The following ATG10 variants were observed in gnomAD, a reference collection of about 807,000 sequenced individuals.
ATG10 encodes autophagy related 10, also known as ubiquitin-like-conjugating enzyme ATG10.
Under a neutral mutation model 32.1 loss-of-function variants are expected in ATG10, and 30 were observed. That is an observed-to-expected ratio of 0.94 (90% confidence interval 0.70 to 1.27). The LOEUF is 1.27. ATG10 is among the 50% of genes most tolerant of loss of function. The probability of loss-of-function intolerance (pLI) is 0.00; values close to 1 mark genes in which losing one functional copy is unlikely to be tolerated. For missense variants in ATG10, 233 were observed against 262.3 expected (o/e 0.89, Z 0.77); for synonymous variants, 87 against 91.5 (o/e 0.95, Z 0.28).
At chr5:82,107,029 G>A (rs1487465584) in intron 3 of ATG10, among the ~76,000 whole-genome samples, 1 of 151,960 alleles carries the variant, frequency 6.6e-6, no homozygotes, top group South Asian at 2.1e-4. Flanking sequence ...CTGGCTTCCT[G>A]TTTTGGAATT....
intron 5 of ATG10, among the ~76,000 whole-genome samples, chr5:82,207,596 T>G (rs576806280): frequency 6.6e-6 from 1 of 152,306 alleles, no homozygotes; most frequent in Admixed American, 6.5e-5. Flanking sequence ...TTCATTTCCT[T>G]TGTAGTGTCT....
chr5:82,129,317 T>G (rs1375659168), intron 3 of ATG10, among the ~76,000 whole-genome samples: 2 of 152,018 alleles, frequency 1.3e-5, no homozygotes, highest in Non-Finnish European at 2.9e-5. Flanking sequence ...AGGAGTTTAT[T>G]ACCCACCTTC....
intron 3 of ATG10, among the ~76,000 whole-genome samples, chr5:82,151,824 G>A: frequency 6.8e-6 from 1 of 146,548 alleles, no homozygotes; most frequent in African/African-American, 2.5e-5. Flanking sequence ...TCATTGAAAG[G>A]CATCCAGAAC....
intron 3 of ATG10, among the ~76,000 whole-genome samples, chr5:82,111,019 T>G (rs570889796): frequency 6.6e-6 from 1 of 151,956 alleles, no homozygotes; most frequent in Non-Finnish European, 1.5e-5. Flanking sequence ...TTAACAAGTT[T>G]AGAGTTATGG....
At chr5:82,181,557 G>A (rs112236720) in intron 5 of ATG10, among the ~76,000 whole-genome samples, 1 of 152,228 alleles carries the variant, frequency 6.6e-6, no homozygotes, top group Non-Finnish European at 1.5e-5. Context: ...AGGGGGAGAA[G>A]ATGATACAGC....
intron 2 of ATG10, among the ~76,000 whole-genome samples, chr5:81,996,335 T>C (rs1251193380): frequency 6.6e-6 from 1 of 152,184 alleles, no homozygotes; most frequent in East Asian, 1.9e-4. Flanking sequence ...CTTCCTGGGC[T>C]GAAGGGATCT....
intron 3 of ATG10, among the ~76,000 whole-genome samples, chr5:82,101,139 A>G (rs895085351): frequency 6.6e-6 from 1 of 152,174 alleles, no homozygotes; most frequent in Non-Finnish European, 1.5e-5. Flanking sequence ...TTCCTAATTA[A>G]GTTGTGGATA....
chr5:81,986,154 C>T (rs1179972224), intron 1 of ATG10, among the ~76,000 whole-genome samples: 5 of 151,930 alleles, frequency 3.3e-5, no homozygotes, highest in Admixed American at 6.6e-5. Context: ...GTAATCCGCC[C>T]GCCTCAGCCT....
At chr5:82,158,911 G>C (rs1767915679) in intron 3 of ATG10, among the ~76,000 whole-genome samples, 1 of 152,116 alleles carries the variant, frequency 6.6e-6, no homozygotes, top group African/African-American at 2.4e-5. Context: ...CTTTATTGGT[G>C]TGGGAGATAT....
chr5:82,013,653 C>T (rs1391538056), intron 2 of ATG10, among the ~76,000 whole-genome samples: 2 of 152,150 alleles, frequency 1.3e-5, no homozygotes, highest in East Asian at 3.9e-4. Flanking sequence ...TTCACCACAT[C>T]CACACCAACA....
intron 2 of ATG10, among the ~76,000 whole-genome samples, chr5:82,001,196 G>A (rs532678837): frequency 6.6e-6 from 1 of 152,250 alleles, no homozygotes; most frequent in South Asian, 2.1e-4. Context: ...TTGTTAAAAT[G>A]GCCATACTGC....
chr5:82,208,265 T>C (rs1197399227), intron 5 of ATG10, among the ~76,000 whole-genome samples: 4 of 152,144 alleles, frequency 2.6e-5, no homozygotes, highest in Admixed American at 2.0e-4. Context: ...TATTCTTTTT[T>C]TTTTTCCTTG....
chr5:82,174,066 A>G (rs1743911550), intron 4 of ATG10, among the ~76,000 whole-genome samples: 2 of 152,212 alleles, frequency 1.3e-5, no homozygotes, highest in Admixed American at 6.5e-5. Flanking sequence ...TTTTGAAATA[A>G]TTAGTCACGA....
chr5:82,088,964 C>A (rs1349298703), intron 3 of ATG10, among the ~76,000 whole-genome samples: 1 of 152,014 alleles, frequency 6.6e-6, no homozygotes, highest in Non-Finnish European at 1.5e-5. Flanking sequence ...GCAAAGGAAC[C>A]AGAATATTTA....
intron 3 of ATG10, among the ~76,000 whole-genome samples, chr5:82,063,430 G>A (rs1422040736): frequency 6.6e-6 from 1 of 151,988 alleles, no homozygotes; most frequent in African/African-American, 2.4e-5. Flanking sequence ...AATTTAAGTG[G>A]AATGTAATTA....
chr5:82,202,375 GA>G (rs1158350856), intron 5 of ATG10, among the ~76,000 whole-genome samples: 1 of 152,190 alleles, frequency 6.6e-6, no homozygotes, highest in African/African-American at 2.4e-5. Context: ...CCCTGAGCAA[GA>G]AGGAATTCTG....
intron 2 of ATG10, among the ~76,000 whole-genome samples, chr5:82,011,597 C>T (rs966771560): frequency 5.3e-5 from 8 of 152,238 alleles, no homozygotes; most frequent in African/African-American, 1.4e-4. Flanking sequence ...TGGCTTCGTT[C>T]TCTCAACGTT....
chr5:82,029,665 T>G (rs1762690790), intron 2 of ATG10, among the ~76,000 whole-genome samples: 1 of 152,202 alleles, frequency 6.6e-6, no homozygotes, highest in Non-Finnish European at 1.5e-5. Flanking sequence ...CAGACTAAGC[T>G]GGACTAAGCC....
At chr5:81,977,892 CAA>C (rs1389781055) in intron 1 of ATG10, among the ~76,000 whole-genome samples, 3 of 152,150 alleles carry the variant, frequency 2.0e-5, no homozygotes, top group African/African-American at 4.8e-5. Flanking sequence ...CATCTCTGAA[CAA>C]AGACTTTTGC....
Sources: gnomAD v4.1 joint callset for allele counts (sites outside exome capture counted in the v4.1 genomes callset) on GRCh38, gnomAD v4.1.1 for gene constraint, MANE v1.5 for transcripts, NCBI Gene and HGNC (gene_info 2026-07-23, HGNC 2026-07-21) for gene names.